Variants in GTF2H3 observed in about 807,000 individuals in gnomAD.
GTF2H3 encodes TFIIH basal transcription factor complex p34 subunit.
GTF2H3 carries 42 observed loss-of-function variants against 51.1 expected under a neutral mutation model. The observed-to-expected ratio is 0.82, with a 90% CI of 0.64 to 1.06. The LOEUF is 1.06. GTF2H3 is among the 50% of genes least tolerant of loss of function. The pLI is 0.00. For synonymous variants in GTF2H3, 123 were observed against 123.8 expected, an observed-to-expected ratio of 0.99 and a Z score of 0.04; for missense variants, 326 against 366.1, an observed-to-expected ratio of 0.89 and a Z score of 0.89.
intron 1 of GTF2H3, among the ~76,000 whole-genome samples, chr12:123,637,184 C>T (rs990848656): frequency 6.6e-6 from 1 of 152,096 alleles, no homozygotes; most frequent in African/African-American, 2.4e-5. Context: ...AGAGTATAGT[C>T]TCTTTGAGGG....
In GTF2H3 at chr12:123,639,931, C is replaced by T. The variant is rs1429437555; in HGVS notation, c.93+588C>T. 8.8e-6 allele frequency: 4 copies of T among 455,738 alleles called. No individual in the cohort carries two copies. The Admixed American group carries it at 9.4e-5, about 11-fold the overall frequency. The allele number at this position is 455,738 out of a possible 1,614,324, so 28.2% of individuals were successfully genotyped here. On this transcript the variant is annotated intron_variant, in intron 2 of 12. Transcript: ENST00000543341. ...TGTGTGGTTCTGTGCAGTTTTACCA[C>T]ATTCATTGATTTGTGTGTCCATCAG... is the stretch of plus-strand genomic sequence containing the variant.
chr12:123,637,339 G>A (rs1454520804), intron 1 of GTF2H3, among the ~76,000 whole-genome samples: 2 of 151,780 alleles, frequency 1.3e-5, no homozygotes, highest in Admixed American at 1.3e-4. Context: ...TTCAAGACCA[G>A]CCTGGGCAAT....
chr12:123,658,830 T>C (rs1955618115), intron 9 of GTF2H3, among the ~76,000 whole-genome samples: 2 of 152,228 alleles, frequency 1.3e-5, no homozygotes, highest in African/African-American at 4.8e-5. Flanking sequence ...GGGACTAGTA[T>C]TCTGATTATA....
rs1347452392 is a variant in GTF2H3 at position 123,660,748 on chromosome 12, T to C, written c.*513T>C. The C allele has an allele frequency of 6.6e-6, 1 of 152,354 alleles. No individual in the cohort carries two copies. 9.4% of individuals were successfully genotyped at this position (152,354 alleles called of 1,614,324 possible). A position where few individuals can be genotyped will look rare whatever the true frequency, so the allele number is the denominator to read the frequency against. On this transcript the variant is annotated 3_prime_UTR_variant, in exon 13 of 13. Transcript: ENST00000543341. ...AGACAGCCTCAGATATTTGCAGATA[T>C]TTACTTTTTGTCTGATATCAGTACA...
At chr12:123,643,505 A>G (rs1351598470) in intron 2 of GTF2H3, among the ~76,000 whole-genome samples, 1 of 152,146 alleles carries the variant, frequency 6.6e-6, no homozygotes, top group African/African-American at 2.4e-5. Flanking sequence ...CAAAATGTTC[A>G]TTCTCCTTAT....
chr12:123,652,625 AG>A, intron 6 of GTF2H3, 64 bp downstream of exon 6: 1 of 1,513,372 alleles, frequency 6.6e-7, no homozygotes, highest in Non-Finnish European at 9.0e-7. Flanking sequence ...TTTCTTTACT[AG>A]ACTGTTTAAA....
intron 9 of GTF2H3, among the ~76,000 whole-genome samples, chr12:123,657,111 A>G (rs1345532031): frequency 6.6e-6 from 1 of 152,192 alleles, no homozygotes; most frequent in African/African-American, 2.4e-5. Flanking sequence ...GGTTCTCAGA[A>G]CAGCTGTCAG....
intron 3 of GTF2H3, among the ~76,000 whole-genome samples, chr12:123,647,411 G>A (rs1166940906): frequency 6.6e-6 from 1 of 151,902 alleles, no homozygotes; most frequent in East Asian, 1.9e-4. Flanking sequence ...GGTGGAAGTT[G>A]CAGTGAGCTG....
Position 123,659,847 on chromosome 12 carries a change from C to T in GTF2H3, c.737C>T (p.Pro246Leu), listed in dbSNP as rs781539845. The change falls in exon 11 of 13, where the codon CCA (proline) becomes CTA (leucine). Residue 246 changes from proline (P) to leucine (L), a missense_variant. Physicochemically the swap from Pro to Leu is moderately conservative, Grantham distance 98 (BLOSUM62 -3). Coordinates refer to ENST00000543341, the MANE Select transcript of GTF2H3 (RefSeq NM_001516.5). The stretch of plus-strand genomic sequence containing the variant: ...AGATCTCAGTTAATCCTCCCACCCC[C>T]AGTTCATGTTGACTACAGGGCTGCT... ...DQRSQLILPP[P>L]VHVDYRAACF... The T allele has an allele frequency of 1.9e-6, 3 of 1,613,450 alleles. No individual in the cohort carries two copies. Among genetic ancestry groups the T allele is most frequent in the African/African-American group, 1.3e-5 (1 of 74,890 alleles).
At position 123,633,829 on chromosome 12, in the gene GTF2H3, A is replaced by G. The variant is rs201242296; in HGVS notation, c.-31A>G. On this transcript the variant is annotated 5_prime_UTR_variant, in exon 1 of 13. Coordinates refer to ENST00000543341, the MANE Select transcript of GTF2H3 (RefSeq NM_001516.5). ...GATTTGAGACGCTCCCCTGACCACC[A>G]CTTGCTCTGCGCTGAGGTGCTGGGA... 2.0e-4 allele frequency: 328 copies of G among 1,611,812 alleles called. 1 individual carries two copies. In the East Asian group the frequency reaches 5.6e-3, roughly 27 times the overall value.
At chr12:123,655,035 A>G in intron 8 of GTF2H3, 37 bp downstream of exon 8, 2 of 1,515,076 alleles carry the variant, frequency 1.3e-6, no homozygotes, top group Non-Finnish European at 9.2e-7. Context: ...TATTTGTTTC[A>G]TAACGAAGGA....
intron 2 of GTF2H3, among the ~76,000 whole-genome samples, chr12:123,641,812 G>T (rs1183264645): frequency 1.3e-5 from 2 of 151,862 alleles, no homozygotes; most frequent in African/African-American, 4.8e-5. Context: ...TAATTCTTCT[G>T]TTGATTTGAT....
At chr12:123,645,432 T>C (rs1305739376) in intron 2 of GTF2H3, 23 bp from the exon 3 acceptor site, 2 of 1,289,410 alleles carry the variant, frequency 1.6e-6, no homozygotes, top group African/African-American at 1.5e-5. Flanking sequence ...TTTGTTTTTC[T>C]AATGTCTTTT....
intron 4 of GTF2H3, chr12:123,649,769 A>G (rs902328986): frequency 7.2e-5 from 11 of 152,212 alleles, no homozygotes; most frequent in African/African-American, 2.4e-4. Context: ...AATGGGCCCA[A>G]ATGATCTTTT....
intron 7 of GTF2H3, among the ~76,000 whole-genome samples, chr12:123,653,520 G>C (rs1173260538): frequency 6.6e-6 from 1 of 151,852 alleles, no homozygotes; most frequent in Non-Finnish European, 1.5e-5. Flanking sequence ...AATGTCGTGG[G>C]CGCCTGTAGT....
At chr12:123,641,799 T>C (rs1471487393) in intron 2 of GTF2H3, among the ~76,000 whole-genome samples, 2 of 152,318 alleles carry the variant, frequency 1.3e-5, no homozygotes, top group South Asian at 2.1e-4. Context: ...TTACGTACTA[T>C]ATTAATTCTT....
Position 123,660,085 on chromosome 12 carries a change from A to G in GTF2H3, c.857+3A>G, listed in dbSNP as rs781517071. ...AGCCCCATTTGTACTACGTGCGAGTAAGTATCTTTGAGATTGTGTGGGTGG... is the reference window on the plus strand; with the variant it reads ...AGCCCCATTTGTACTACGTGCGAGTGAGTATCTTTGAGATTGTGTGGGTGG... On this transcript the variant is annotated splice_donor_region_variant and intron_variant, in intron 12 of 12. Coordinates refer to ENST00000543341, the MANE Select transcript of GTF2H3 (RefSeq NM_001516.5). The G allele has an allele frequency of 3.1e-5, 50 of 1,608,454 alleles. No individual in the cohort carries two copies. Among genetic ancestry groups the G allele is most frequent in the Non-Finnish European group, 4.2e-5 (50 of 1,178,614 alleles).
chr12:123,641,541 G>T (rs1046720269), intron 2 of GTF2H3, among the ~76,000 whole-genome samples: 17,475 of 137,498 alleles, frequency 0.13, 2,306 homozygotes, highest in African/African-American at 0.36. Flanking sequence ...TTTTTTTTGT[G>T]TGTTTTTTTT....
intron 2 of GTF2H3, among the ~76,000 whole-genome samples, chr12:123,641,544 T>TTTG (rs1354726572): frequency 2.0e-4 from 27 of 134,484 alleles, no homozygotes; most frequent in African/African-American, 7.7e-4. Flanking sequence ...TTTTTGTGTG[T>TTTG]TTTTTTTTTG....
Sources: gnomAD v4.1 joint callset for allele counts (sites outside exome capture counted in the v4.1 genomes callset) on GRCh38, gnomAD v4.1.1 for gene constraint, MANE v1.5 for transcripts, NCBI Gene and HGNC (gene_info 2026-07-23, HGNC 2026-07-21) for gene names.